The following ZP3 variants were observed in gnomAD, a reference collection of about 807,000 sequenced individuals.
ZP3 encodes zona pellucida sperm-binding protein 3.
ZP3 carries 21 observed loss-of-function variants against 35.6 expected under a neutral mutation model. The ratio of observed to expected loss-of-function variants is 0.59; its 90% confidence interval spans 0.42 to 0.85. ZP3 has a LOEUF of 0.85. ZP3 is among the 40% of genes least tolerant of loss of function. ZP3 has a pLI of 0.00. For missense variants in ZP3, 437 were observed against 536.5 expected (o/e 0.81, Z 1.83); for synonymous variants, 207 against 214.5 (o/e 0.96, Z 0.31).
exon 1 of ZP3, chr7:76,397,562 A>G (rs1172236571): frequency 1.2e-6 from 2 of 1,604,218 alleles, no homozygotes; most frequent in Admixed American, 3.4e-5. Context: ...GCAGTTGTGC[A>G]CACCCCAGCC....
At position 76,440,581 on chromosome 7, in the gene ZP3, T is replaced by C; in HGVS notation, c.1030T>C (p.Ser344Pro). Reference sequence around the variant, plus strand: ...GCAGCCTCATGTCATGAGCCAGTGGTCCAGGTCTGCTTCCCGTAACCGCAG... The same window carrying C: ...GCAGCCTCATGTCATGAGCCAGTGGCCCAGGTCTGCTTCCCGTAACCGCAG... ...RRQPHVMSQW[S>P]RSASRNRRHV... Residue 344 changes from serine (S) to proline (P), a missense_variant, in exon 7 of 8, where the codon TCC (serine) becomes CCC (proline). By Grantham distance (74) the Ser-to-Pro change is moderately conservative. Coordinates refer to ENST00000394857, the MANE Select transcript of ZP3 (RefSeq NM_001110354.2). 6.2e-7 allele frequency: 1 copy of C among 1,613,978 alleles called. No homozygotes were observed. Among genetic ancestry groups the C allele is most frequent in the South Asian group, 1.1e-5 (1 of 91,084 alleles).
Position 76,438,538 on chromosome 7 carries a change from G to GGAAAAA in ZP3, c.832-1712_832-1711insGAAAAA, listed in dbSNP as rs1554626485. On this transcript the variant is annotated intron_variant, in intron 5 of 7. Coordinates refer to ENST00000394857, the MANE Select transcript of ZP3 (RefSeq NM_001110354.2). ...TGGACTAGAGACAGACTCCGTCTCA[G>GGAAAAA]AAAAAAAAAAAAAAAAAAAGGGTAG... 1.7e-3 allele frequency among the ~76,000 whole-genome samples: 154 copies of GGAAAAA among 88,554 alleles called. 1 individual carries two copies. Among genetic ancestry groups the GGAAAAA allele is most frequent in the Middle Eastern group, 6.5e-3 (1 of 154 alleles). 58.1% of individuals were successfully genotyped at this position (88,554 alleles called of 152,430 possible). A position where few individuals can be genotyped will look rare whatever the true frequency, so the allele number is the denominator to read the frequency against.
At chr7:76,436,108 G>A (rs1352308890) in intron 5 of ZP3, among the ~76,000 whole-genome samples, 2 of 115,076 alleles carry the variant, frequency 1.7e-5, no homozygotes, top group East Asian at 6.0e-4. Context: ...CTGGAGTACA[G>A]TGGCCCAATC....
At chr7:76,437,171 C>CTTTTTTTTTTTTTTTTT (rs869115807) in intron 5 of ZP3, among the ~76,000 whole-genome samples, 1 of 78,720 alleles carries the variant, frequency 1.3e-5, no homozygotes, top group African/African-American at 5.1e-5. Flanking sequence ...ACCCTGTGTA[C>CTTTTTTTTTTTTTTTTT]TTTTTTTTTT....
rs1290360261 is a variant in ZP3, at chr7:76,440,530, T to C, written c.979T>C (p.Cys327Arg). ...DICQCCNKGD[C>R]GTPSHSRRQP... is the part of the protein sequence containing the mutation. ...CTGTCAATGCTGTAACAAAGGTGAC[T>C]GTGGCACTCCAAGCCATTCCAGGAG... Residue 327 changes from cysteine (C) to arginine (R), a missense_variant, in exon 7 of 8, where the codon TGT (cysteine) becomes CGT (arginine). Coordinates refer to ENST00000394857, the MANE Select transcript of ZP3 (RefSeq NM_001110354.2). 1 of 1,614,228 alleles carries C rather than the reference T, an allele frequency of 6.2e-7. No individual in the cohort carries two copies. Among genetic ancestry groups the C allele is most frequent in the Non-Finnish European group, 8.5e-7 (1 of 1,180,040 alleles).
chr7:76,427,243 G>A (rs1805694842), intron 1 of ZP3, among the ~76,000 whole-genome samples: 1 of 152,132 alleles, frequency 6.6e-6, no homozygotes, highest in Non-Finnish European at 1.5e-5. Context: ...CTGGCCGTGC[G>A]CAGTGGCTCA....
chr7:76,411,689 T>C (rs1805248783), intron 1 of ZP3, among the ~76,000 whole-genome samples: 1 of 152,138 alleles, frequency 6.6e-6, no homozygotes, highest in African/African-American at 2.4e-5. Flanking sequence ...TCCTCACACA[T>C]TGCTGATGGG....
At chr7:76,427,642 G>A (rs1459638845) in intron 1 of ZP3, among the ~76,000 whole-genome samples, 1 of 152,082 alleles carries the variant, frequency 6.6e-6, no homozygotes, top group African/African-American at 2.4e-5. Context: ...TTTGAATAAG[G>A]GGCCCCACGA....
intron 1 of ZP3, chr7:76,404,296 G>A: frequency 6.3e-7 from 1 of 1,584,744 alleles, no homozygotes; most frequent in Non-Finnish European, 8.6e-7. Flanking sequence ...GGCTAACAGG[G>A]GAGGACTCAC....
intron 1 of ZP3, among the ~76,000 whole-genome samples, chr7:76,410,096 G>T (rs746126887): frequency 2.0e-5 from 3 of 151,866 alleles, no homozygotes; most frequent in Non-Finnish European, 4.4e-5. Flanking sequence ...GCAATGGCAC[G>T]ATTTCGGCTC....
chr7:76,403,872 A>C (rs1291600606), intron 1 of ZP3, among the ~76,000 whole-genome samples: 1 of 151,894 alleles, frequency 6.6e-6, no homozygotes, highest in Non-Finnish European at 1.5e-5. Flanking sequence ...CATGTTGGCC[A>C]GGCTGGTCTC....
chr7:76,441,757 A>G (rs1280189522), intron 7 of ZP3, 85 bp from the exon 8 acceptor site: 1 of 1,305,304 alleles, frequency 7.7e-7, no homozygotes, highest in African/African-American at 1.5e-5. Flanking sequence ...ATATTAGTTT[A>G]GCCCACTGAG....
chr7:76,405,339 C>CTTTCTTTCTTTCTTTCT (rs1271510975), intron 1 of ZP3, among the ~76,000 whole-genome samples: 1 of 21,394 alleles, frequency 4.7e-5, no homozygotes, highest in African/African-American at 2.1e-4. Flanking sequence ...TTCTTTCTTT[C>CTTTCTTTCTTTCTTTCT]TTTTTTTTTT....
At chr7:76,411,013 A>AAAG (rs1805229760) in intron 1 of ZP3, among the ~76,000 whole-genome samples, 19 of 131,156 alleles carry the variant, frequency 1.4e-4, no homozygotes, top group African/African-American at 5.2e-4. Flanking sequence ...AAAAAAAAAA[A>AAAG]AAAAGAAAAG....
At chr7:76,397,562 A>C (rs1172236571) in exon 1 of ZP3, 1 of 1,604,336 alleles carries the variant, frequency 6.2e-7, no homozygotes, top group Non-Finnish European at 8.5e-7. Context: ...GCAGTTGTGC[A>C]CACCCCAGCC....
rs749239918 is a variant in ZP3, at chr7:76,425,205, C to G, written c.241C>G (p.Leu81Val). The G allele has an allele frequency of 3.1e-6, 5 of 1,613,988 alleles. No individual in the cohort carries two copies. Among genetic ancestry groups the G allele is most frequent in the Non-Finnish European group, 3.4e-6 (4 of 1,180,024 alleles). Reference protein sequence around the residue: ...LTLGPEACEPLVSMDTEDVVR... With the variant: ...LTLGPEACEPVVSMDTEDVVR... ...CTTGGGCCCAGAGGCCTGTGAGCCT[C>G]TGGTCTCCATGGACACAGAAGATGT... Residue 81 changes from leucine (L) to valine (V), a missense_variant, in exon 1 of 8, where the codon CTG becomes GTG. This residue lies in a region of ZP3 where 352 missense variants were observed against 308.4 expected (regional missense o/e 1.14). Coordinates refer to ENST00000394857, the MANE Select transcript of ZP3 (RefSeq NM_001110354.2).
rs1554626562 is a variant in ZP3 at position 76,439,145 on chromosome 7, A to AAAC, written c.832-1103_832-1102insCAA. 1.1e-3 allele frequency among the ~76,000 whole-genome samples: 145 copies of AAAC among 129,940 alleles called. 1 individual carries two copies. Among genetic ancestry groups the AAAC allele is most frequent in the Middle Eastern group, 4.1e-3 (1 of 244 alleles). The allele number at this position is 129,940 out of a possible 152,430, so 85.2% of individuals were successfully genotyped here. On this transcript the variant is annotated intron_variant, in intron 5 of 7. Transcript: ENST00000394857. ...AGACTCCACCTCAAAAAAAAAAAAAAAAAAAACCTCTTAAGTCTGAAATGG... is the reference window on the plus strand; with the variant it reads ...AGACTCCACCTCAAAAAAAAAAAAAAAACAAAAAACCTCTTAAGTCTGAAATGG...
At chr7:76,418,081 G>A (rs946514758) in intron 1 of ZP3, among the ~76,000 whole-genome samples, 2 of 151,622 alleles carry the variant, frequency 1.3e-5, no homozygotes, top group African/African-American at 2.4e-5. Context: ...GGGACTACAG[G>A]CACGTAGTCA....
chr7:76,405,729 G>A (rs540895082), intron 1 of ZP3, among the ~76,000 whole-genome samples: 5 of 152,208 alleles, frequency 3.3e-5, no homozygotes, highest in African/African-American at 9.6e-5. Context: ...GGATGGAAAC[G>A]CATGAGGAGT....
Sources: gnomAD v4.1 joint callset for allele counts (sites outside exome capture counted in the v4.1 genomes callset) on GRCh38, gnomAD v4.1.1 for gene constraint, gnomAD v4.1.1 regional missense constraint, MANE v1.5 for transcripts, NCBI Gene and HGNC (gene_info 2026-07-23, HGNC 2026-07-21) for gene names.